Variants in FRMD1 observed in about 807,000 individuals in gnomAD.
The protein encoded by FRMD1 is FERM domain-containing protein 1.
A neutral mutation model predicts 54.9 loss-of-function variants in FRMD1; 51 were observed. The observed-to-expected ratio is 0.93, with a 90% CI of 0.74 to 1.17. The LOEUF is 1.17. FRMD1 is among the 50% of genes most tolerant of loss of function. The probability of loss-of-function intolerance (pLI) is 0.00; values close to 1 mark genes in which losing one functional copy is unlikely to be tolerated. For synonymous variants in FRMD1, 324 were observed against 306.4 expected, an observed-to-expected ratio of 1.06 and a Z score of -0.60; for missense variants, 729 against 743.0, an observed-to-expected ratio of 0.98 and a Z score of 0.22.
At chr6:168,062,652 G>A (rs569482807) in intron 7 of FRMD1, 63 of 1,549,628 alleles carry the variant, frequency 4.1e-5, no homozygotes, top group Non-Finnish European at 5.2e-5. Context: ...CAGGGCACGG[G>A]GACCCCCCAG....
chr6:168,071,124 C>G (rs1013562834), intron 2 of FRMD1, among the ~76,000 whole-genome samples: 1 of 152,206 alleles, frequency 6.6e-6, no homozygotes, highest in African/African-American at 2.4e-5. Flanking sequence ...CACCGGCACC[C>G]TTGCTCACTG....
At chr6:168,069,405 C>T (rs1226371758) in intron 2 of FRMD1, among the ~76,000 whole-genome samples, 1 of 152,204 alleles carries the variant, frequency 6.6e-6, no homozygotes, top group Non-Finnish European at 1.5e-5. Flanking sequence ...TCTGCCAATG[C>T]CCGGTCTAAG....
chr6:168,063,867 C>T, intron 5 of FRMD1, 111 bp from the exon 6 acceptor site: 18 of 1,286,210 alleles, frequency 1.4e-5, no homozygotes, highest in Middle Eastern at 2.1e-4. Flanking sequence ...GTGCCAACCT[C>T]GGTGGGCAGG....
intron 2 of FRMD1, among the ~76,000 whole-genome samples, chr6:168,068,353 C>T (rs1800146258): frequency 6.6e-6 from 1 of 152,124 alleles, no homozygotes. Flanking sequence ...CCTAGAGAGA[C>T]ACCATTCCTG....
chr6:168,079,374 C>G (rs573081144), upstream of FRMD1, among the ~76,000 whole-genome samples: 2 of 152,362 alleles, frequency 1.3e-5, no homozygotes, highest in African/African-American at 4.8e-5. Context: ...AGCAGCCAGC[C>G]TCGGTGTGGG....
At position 168,061,886 on chromosome 6, in the gene FRMD1, G is replaced by C. The variant is rs150947481; in HGVS notation, c.966C>G (p.His322Gln). The part of the protein sequence containing the change: ...GCTWRSRHLL[H>Q]LLRASHQLHL... ...GGAGCTGGTGGCTGGCGCGCAGCAG[G>C]TGCAGCAGGTGCCTGGACCGCCAGG... Residue 322 changes from histidine to glutamine, a missense_variant, in exon 8 of 11, where the codon CAC becomes CAG. Transcript: ENST00000283309. 4.1e-5 allele frequency: 65 copies of C among 1,592,816 alleles called. No individual in the cohort carries two copies. Among genetic ancestry groups the C allele is most frequent in the Middle Eastern group, 2.0e-4 (1 of 4,900 alleles).
rs896778047 is a variant in FRMD1 at position 168,056,784 on chromosome 6, C to T, written c.*313G>A. 7.7e-5 allele frequency: 18 copies of T among 233,938 alleles called. No individual in the cohort carries two copies. Among genetic ancestry groups the T allele is most frequent in the Non-Finnish European group, 1.4e-4 (17 of 120,856 alleles). The allele number at this position is 233,938 out of a possible 1,614,324, so 14.5% of individuals were successfully genotyped here. ...TTCTCTCCCAGATTAGGATGGGTGA[C>T]AGGCTGCCTCAGGGGCCAACACCAT... On this transcript the variant is annotated 3_prime_UTR_variant, in exon 11 of 11. Transcript: ENST00000283309.
chr6:168,090,201 C>T (rs1406291527), intron 1 of FRMD1, among the ~76,000 whole-genome samples: 1 of 152,160 alleles, frequency 6.6e-6, no homozygotes, highest in Non-Finnish European at 1.5e-5. Flanking sequence ...CTAGAGTCTC[C>T]TCTGCCATTC....
At chr6:168,071,570 C>T (rs1800310201) in intron 2 of FRMD1, among the ~76,000 whole-genome samples, 1 of 152,200 alleles carries the variant, frequency 6.6e-6, no homozygotes, top group Non-Finnish European at 1.5e-5. Flanking sequence ...GGAAAGGTGA[C>T]CCCAGATTCC....
At chr6:168,070,872 C>T (rs556131707) in intron 2 of FRMD1, among the ~76,000 whole-genome samples, 28 of 152,332 alleles carry the variant, frequency 1.8e-4, no homozygotes, top group African/African-American at 6.7e-4. Flanking sequence ...GAGATTCTGG[C>T]GTTGGCTACA....
At chr6:168,089,226 C>A (rs1346220186) in intron 1 of FRMD1, among the ~76,000 whole-genome samples, 1 of 152,240 alleles carries the variant, frequency 6.6e-6, no homozygotes, top group Non-Finnish European at 1.5e-5. Flanking sequence ...TGCCTTTGCT[C>A]CCTCAGCTGT....
intron 3 of FRMD1, chr6:168,067,113 C>T: frequency 1.4e-6 from 1 of 704,608 alleles, no homozygotes; most frequent in Non-Finnish European, 2.6e-6. Flanking sequence ...TGCGGACAGC[C>T]CCTCTGGACG....
intron 2 of FRMD1, among the ~76,000 whole-genome samples, chr6:168,074,631 CAT>C (rs1224905925): frequency 7.7e-6 from 1 of 130,336 alleles, no homozygotes; most frequent in Non-Finnish European, 1.6e-5. Context: ...TGCATGTGTA[CAT>C]GTGTGACTGG....
At chr6:168,064,344 C>A (rs1481009565) in intron 5 of FRMD1, among the ~76,000 whole-genome samples, 2 of 152,230 alleles carry the variant, frequency 1.3e-5, no homozygotes, top group Non-Finnish European at 2.9e-5. Context: ...GGGGTGACAG[C>A]CATCAATCCG....
Position 168,075,236 on chromosome 6 carries a change from G to A in FRMD1, c.304+9C>T, listed in dbSNP as rs760681539. Reference sequence around the variant, plus strand: ...GCATTCCTGCAGGTGGGGACTGAGCGATGCTTACTTCTGACCACACAGAGG... The same window carrying A: ...GCATTCCTGCAGGTGGGGACTGAGCAATGCTTACTTCTGACCACACAGAGG... On this transcript the variant is annotated intron_variant, in intron 2 of 10. Coordinates refer to ENST00000283309, the MANE Select transcript of FRMD1 (RefSeq NM_024919.6). 4.3e-6 allele frequency: 7 copies of A among 1,612,344 alleles called. No homozygotes were observed. Among genetic ancestry groups the A allele is most frequent in the Admixed American group, 1.7e-5 (1 of 60,014 alleles).
intron 2 of FRMD1, among the ~76,000 whole-genome samples, chr6:168,073,462 T>C (rs1562424073): frequency 6.6e-6 from 1 of 152,098 alleles, no homozygotes; most frequent in Non-Finnish European, 1.5e-5. Context: ...TCTTATTCCC[T>C]CTGCCCCCCA....
chr6:168,069,427 T>G (rs935278819), intron 2 of FRMD1, among the ~76,000 whole-genome samples: 1 of 152,220 alleles, frequency 6.6e-6, no homozygotes, highest in Non-Finnish European at 1.5e-5. Flanking sequence ...AAATGCCGAG[T>G]GAAAAGGTCT....
At chr6:168,072,555 G>A (rs1800361069) in intron 2 of FRMD1, among the ~76,000 whole-genome samples, 1 of 152,332 alleles carries the variant, frequency 6.6e-6, no homozygotes, top group East Asian at 1.9e-4. Flanking sequence ...AGAGTGGAGC[G>A]CGGACCAGAG....
chr6:168,078,905 C>G lies in FRMD1; in HGVS notation c.190G>C (p.Glu64Gln), dbSNP rs761032399. Reference protein sequence around the residue: ...RDVLVLLPSREQLRLAVGVKA... With the variant: ...RDVLVLLPSRQQLRLAVGVKA... ...ACCCCCACGGCCAGCCGCAGTTGCT[C>G]CCGGCTGGGCAGCAGCACGAGGACA... The change falls in exon 1 of 11, where the codon GAG becomes CAG. Residue 64 changes from glutamate to glutamine, a missense_variant. Coordinates refer to ENST00000283309, the MANE Select transcript of FRMD1 (RefSeq NM_024919.6). 2 of 1,597,558 alleles carry G rather than the reference C, an allele frequency of 1.3e-6. No homozygotes were observed. Among genetic ancestry groups the G allele is most frequent in the East Asian group, 4.5e-5 (2 of 44,668 alleles).
Sources: gnomAD v4.1 joint callset for allele counts (sites outside exome capture counted in the v4.1 genomes callset) on GRCh38, gnomAD v4.1.1 for gene constraint, MANE v1.5 for transcripts, NCBI Gene and HGNC (gene_info 2026-07-23, HGNC 2026-07-21) for gene names.